The following ACO1 variants were observed in gnomAD, a reference collection of about 807,000 sequenced individuals.
ACO1 encodes the protein cytoplasmic aconitate hydratase.
ACO1 carries 78 observed loss-of-function variants against 105.1 expected under a neutral mutation model. The ratio of observed to expected loss-of-function variants is 0.74; its 90% confidence interval spans 0.62 to 0.90. ACO1 has a LOEUF of 0.90. Ranked by LOEUF, ACO1 falls within the 40% of genes least tolerant of loss-of-function variation. The pLI is 0.00. For missense variants in ACO1, 965 were observed against 1,111.1 expected (o/e 0.87, Z 1.87); for synonymous variants, 364 against 397.4 (o/e 0.92, Z 1.00).
At chr9:32,386,025 G>C (rs1423782343) in intron 1 of ACO1, among the ~76,000 whole-genome samples, 1 of 152,216 alleles carries the variant, frequency 6.6e-6, no homozygotes, top group East Asian at 1.9e-4. Context: ...GTGAGGCTGT[G>C]ATGAACCTTG....
intron 12 of ACO1, 48 bp downstream of exon 12, chr9:32,427,484 C>T: frequency 6.2e-7 from 1 of 1,610,304 alleles, no homozygotes; most frequent in Non-Finnish European, 8.5e-7. Context: ...GAATTGTATC[C>T]CTCATGTATC....
chr9:32,442,331 G>A (rs767429163), intron 19 of ACO1, among the ~76,000 whole-genome samples: 20 of 152,142 alleles, frequency 1.3e-4, no homozygotes, highest in African/African-American at 1.9e-4. Context: ...GGGGTAGTAC[G>A]CAAGTATCTA....
intron 16 of ACO1, among the ~76,000 whole-genome samples, chr9:32,434,338 C>T (rs139687853): frequency 6.6e-6 from 1 of 152,272 alleles, no homozygotes; most frequent in African/African-American, 2.4e-5. Flanking sequence ...GGGATATTGC[C>T]AGTATTTTAC....
chr9:32,426,918 G>C (rs192538261), intron 11 of ACO1, among the ~76,000 whole-genome samples: 3 of 151,980 alleles, frequency 2.0e-5, no homozygotes, highest in Admixed American at 6.6e-5. Flanking sequence ...GTTTCAGAAA[G>C]GGCTCCTTCA....
intron 17 of ACO1, 164 bp from the exon 18 acceptor site, chr9:32,436,086 C>G: frequency 1.1e-6 from 1 of 904,690 alleles, no homozygotes; most frequent in Non-Finnish European, 1.8e-6. Context: ...TCCGTTGAAG[C>G]TTTGGGGACA....
chr9:32,448,976 A>G lies in ACO1; in HGVS notation c.2451A>G (p.Glu817=). 3 of 1,614,046 alleles carry G rather than the reference A, an allele frequency of 1.9e-6. No individual in the cohort carries two copies. The highest frequency in any genetic ancestry group is 2.2e-5 in the South Asian group (2 of 91,076). The part of the protein sequence containing the change: ...NLVGMGVIPL[E]YLPGENADAL... ...TTGGGATGGGTGTGATCCCACTTGA[A>G]TATCTCCCTGGTGAGAATGCAGATG... Residue 817 remains glutamate (E), a synonymous_variant, in exon 20 of 21, where the codon GAA becomes GAG. Transcript: ENST00000309951.
intron 19 of ACO1, among the ~76,000 whole-genome samples, chr9:32,444,235 T>G (rs1563948701): frequency 6.6e-6 from 1 of 152,188 alleles, no homozygotes; most frequent in Non-Finnish European, 1.5e-5. Flanking sequence ...TGATGGGCAT[T>G]TGGGTTGGTT....
chr9:32,427,114 C>T (rs560638628), intron 11 of ACO1, among the ~76,000 whole-genome samples, 187 bp from the exon 12 acceptor site: 101 of 152,122 alleles, frequency 6.6e-4, no homozygotes, highest in Admixed American at 1.8e-3. Context: ...ATCTAAATGA[C>T]CGTTGGCCAG....
At chr9:32,426,020 T>A in intron 11 of ACO1, 23 bp downstream of exon 11, 2 of 1,611,474 alleles carry the variant, frequency 1.2e-6, no homozygotes, top group Non-Finnish European at 1.7e-6. Context: ...GACTCCATCC[T>A]CATGGTCATA....
At chr9:32,429,377 T>C in intron 12 of ACO1, 42 bp from the exon 13 acceptor site, 1 of 1,590,526 alleles carries the variant, frequency 6.3e-7, no homozygotes, top group Non-Finnish European at 8.6e-7. Flanking sequence ...CACTGAAAGT[T>C]ATTCTTTTTT....
intron 17 of ACO1, among the ~76,000 whole-genome samples, chr9:32,435,840 CCT>C (rs1448190450): frequency 1.4e-4 from 21 of 152,282 alleles, no homozygotes; most frequent in East Asian, 5.8e-4. Flanking sequence ...TGTGTTTCCC[CCT>C]GTTTGTGGCT....
At chr9:32,434,312 T>A (rs1417358295) in intron 16 of ACO1, among the ~76,000 whole-genome samples, 1 of 152,224 alleles carries the variant, frequency 6.6e-6, no homozygotes, top group Non-Finnish European at 1.5e-5. Context: ...GCAGCTGCGT[T>A]ACTGTTGCTT....
At chr9:32,416,087 AAT>A (rs1329472073) in intron 4 of ACO1, among the ~76,000 whole-genome samples, 1 of 144,772 alleles carries the variant, frequency 6.9e-6, no homozygotes, top group East Asian at 2.0e-4. Context: ...GTGGTAACCA[AAT>A]ATGTTTTCTT....
intron 4 of ACO1, among the ~76,000 whole-genome samples, chr9:32,416,251 T>C (rs1409110387): frequency 6.6e-6 from 1 of 151,954 alleles, no homozygotes; most frequent in African/African-American, 2.4e-5. Context: ...CCTGCCACCA[T>C]GCCCGGCTAA....
At chr9:32,391,634 G>A (rs1237941190) in intron 1 of ACO1, among the ~76,000 whole-genome samples, 4 of 152,208 alleles carry the variant, frequency 2.6e-5, no homozygotes, top group Non-Finnish European at 5.9e-5. Flanking sequence ...GCCACTGCTC[G>A]CAAAACAGAC....
At chr9:32,402,867 C>A (rs1471575751) in intron 1 of ACO1, among the ~76,000 whole-genome samples, 1 of 152,156 alleles carries the variant, frequency 6.6e-6, no homozygotes, top group Non-Finnish European at 1.5e-5. Flanking sequence ...TATGGAGGGC[C>A]TGTTTTCCAA....
rs1428135021 is a variant in ACO1 at position 32,452,822 on chromosome 9, A to G, written c.*2711A>G. 6.6e-6 allele frequency: 1 copy of G among 152,008 alleles called. No homozygotes were observed. Among genetic ancestry groups the G allele is most frequent in the Non-Finnish European group, 1.5e-5 (1 of 68,058 alleles). 9.4% of individuals were successfully genotyped at this position (152,008 alleles called of 1,614,324 possible). A position where few individuals can be genotyped will look rare whatever the true frequency, so the allele number is the denominator to read the frequency against. On this transcript the variant is annotated 3_prime_UTR_variant, in exon 21 of 21. Transcript: ENST00000309951. The stretch of plus-strand genomic sequence containing the variant: ...ATAAATAAATAAATAAATAAAATAA[A>G]TCAGCCAGGTGTGCACCTGTGGTCC...
intron 12 of ACO1, among the ~76,000 whole-genome samples, chr9:32,429,071 CT>C (rs1258078178): frequency 1.3e-5 from 2 of 152,062 alleles, no homozygotes; most frequent in Non-Finnish European, 2.9e-5. Flanking sequence ...CATATTATTC[CT>C]GACTTATGAC....
chr9:32,396,413 A>G (rs1587512556), intron 1 of ACO1, among the ~76,000 whole-genome samples: 1 of 151,944 alleles, frequency 6.6e-6, no homozygotes, highest in Non-Finnish European at 1.5e-5. Flanking sequence ...TACAACATCA[A>G]AATTGGCTAA....
Sources: allele counts gnomAD v4.1 joint callset (sites outside exome capture counted in the v4.1 genomes callset), GRCh38; gene constraint gnomAD v4.1.1; transcripts MANE v1.5; gene names NCBI Gene and HGNC (gene_info 2026-07-23, HGNC 2026-07-21).